Variants in ERN1 observed in about 807,000 individuals in gnomAD.
ERN1 encodes the protein serine/threonine-protein kinase/endoribonuclease IRE1.
A neutral mutation model predicts 113.1 loss-of-function variants in ERN1; 39 were observed. The observed-to-expected ratio is 0.34, with a 90% CI of 0.27 to 0.45. The LOEUF is 0.45. Among genes scored for constraint, ERN1 ranks in the 20% least tolerant of loss-of-function variants. ERN1 has a pLI of 1.00. For synonymous variants in ERN1, 507 were observed against 515.9 expected (o/e 0.98, Z 0.23); for missense variants, 976 against 1,274.8 (o/e 0.77, Z 3.57).
In ERN1 at chr17:64,054,147, C is replaced by A; in HGVS notation, c.1953+103G>T. On this transcript the variant is annotated intron_variant, in intron 15 of 21. Transcript: ENST00000433197. This position sits in a 1 kb window ranked among gnomAD's most constrained non-coding sequence, Gnocchi z 4.9. Reference sequence around the variant, plus strand: ...TAGAGATGGGGTTTCACCATGTTGTCCAGGCTGGTCTCAAACTCCTGAGCT... The same window carrying A: ...TAGAGATGGGGTTTCACCATGTTGTACAGGCTGGTCTCAAACTCCTGAGCT... 9.5e-7 allele frequency: 1 copy of A among 1,058,176 alleles called. No individual in the cohort carries two copies. Among genetic ancestry groups the A allele is most frequent in the Non-Finnish European group, 1.4e-6 (1 of 740,306 alleles). 65.5% of individuals were successfully genotyped at this position (1,058,176 alleles called of 1,614,324 possible).
At chr17:64,077,644 T>C (rs1290746236) in intron 4 of ERN1, among the ~76,000 whole-genome samples, 1 of 152,186 alleles carries the variant, frequency 6.6e-6, no homozygotes, top group African/African-American at 2.4e-5. Flanking sequence ...CAGAGTTTAT[T>C]TTTCCACTCC....
chr17:64,064,315 C>T (rs1045731451), intron 9 of ERN1, among the ~76,000 whole-genome samples, 164 bp from the exon 10 acceptor site: 5 of 152,200 alleles, frequency 3.3e-5, no homozygotes, highest in African/African-American at 9.7e-5. Flanking sequence ...AAGCTTCTCC[C>T]TCAGGATGTG....
Position 64,075,260 on chromosome 17 carries a change from A to AAAAAG in ERN1, c.283-14_283-13insCTTTT, listed in dbSNP as rs1555615546. On this transcript the variant is annotated splice_polypyrimidine_tract_variant and intron_variant, in intron 4 of 21. Transcript: ENST00000433197. Reference sequence around the variant, plus strand: ...TAAAAGGAAGTTTCTTTAAAAAAAAAAAAAAAGAAAAAAAAAAGTTAACCA... The same window carrying AAAAAG: ...TAAAAGGAAGTTTCTTTAAAAAAAAAAAAAGAAAAAAGAAAAAAAAAAGTTAACCA... The AAAAAG allele has an allele frequency of 2.9e-5, 44 of 1,492,622 alleles. No homozygotes were observed. The African/African-American group carries it at 6.3e-4, about 21-fold the overall frequency. 92.5% of individuals were successfully genotyped at this position (1,492,622 alleles called of 1,614,324 possible). A position where few individuals can be genotyped will look rare whatever the true frequency, so the allele number is the denominator to read the frequency against.
intron 6 of ERN1, among the ~76,000 whole-genome samples, chr17:64,069,709 G>A (rs988133419): frequency 5.9e-5 from 9 of 152,170 alleles, no homozygotes; most frequent in Admixed American, 1.3e-4. Context: ...TCTCACCACT[G>A]CATGTTGGGT....
At position 64,075,250 on chromosome 17, in the gene ERN1, T is replaced by TAAAA; in HGVS notation, c.283-4_283-3insTTTT. 2 of 1,167,146 alleles carry TAAAA rather than the reference T, an allele frequency of 1.7e-6. No individual in the cohort carries two copies. Among genetic ancestry groups the TAAAA allele is most frequent in the South Asian group, 2.0e-5 (1 of 50,768 alleles). The allele number at this position is 1,167,146 out of a possible 1,614,324, so 72.3% of individuals were successfully genotyped here. A position where few individuals can be genotyped will look rare whatever the true frequency, so the allele number is the denominator to read the frequency against. On this transcript the variant is annotated splice_polypyrimidine_tract_variant and splice_region_variant and intron_variant, in intron 4 of 21. Transcript: ENST00000433197. ...TCTGGGATGGTAAAAGGAAGTTTCT[T>TAAAA]TAAAAAAAAAAAAAAAGAAAAAAAA...
intron 1 of ERN1, among the ~76,000 whole-genome samples, chr17:64,125,417 C>T (rs1356704555): frequency 6.6e-6 from 1 of 152,188 alleles, no homozygotes; most frequent in Non-Finnish European, 1.5e-5. Flanking sequence ...CGGCTTATTA[C>T]CACATCAACC....
chr17:64,060,937 A>C (rs930610978), intron 10 of ERN1, among the ~76,000 whole-genome samples: 3 of 152,098 alleles, frequency 2.0e-5, no homozygotes, highest in Admixed American at 6.5e-5. Flanking sequence ...AAGTTCAAGG[A>C]GTTCTCCTTT....
intron 17 of ERN1, among the ~76,000 whole-genome samples, chr17:64,051,228 T>C (rs559043678): frequency 2.0e-5 from 3 of 150,884 alleles, no homozygotes; most frequent in South Asian, 4.2e-4. Flanking sequence ...CAGCTAACAA[T>C]GTAGAAGAAT....
chr17:64,075,723 C>T (rs1913572620), intron 4 of ERN1, among the ~76,000 whole-genome samples: 1 of 152,214 alleles, frequency 6.6e-6, no homozygotes, highest in African/African-American at 2.4e-5. Context: ...CCAGGGGTGA[C>T]ACAAACCTTT....
rs1236034791 is a variant in ERN1, at chr17:64,044,001, G to A, written c.2921C>T (p.Pro974Leu). The A allele has an allele frequency of 6.2e-7, 1 of 1,610,668 alleles. No individual in the cohort carries two copies. Residue 974 changes from proline (P) to leucine (L), a missense_variant, in exon 22 of 22, where the codon CCA becomes CTA. Around this residue, in one of 5 missense-constraint regions of ERN1, gnomAD observed 92 missense variants for 87.3 expected, o/e 1.05. Coordinates refer to ENST00000433197, the MANE Select transcript of ERN1 (RefSeq NM_001433.5). The surrounding 1 kb of genome is among the most constrained non-coding windows in gnomAD (Gnocchi z 4.1). ...GGCCGCCCTCGCTCAGAGGGCGTCT[G>A]GAGTCACTGGGGGCTGGGGCTCTGG... ...EPPEPQPPVT[P>L]DAL
At chr17:64,075,349 A>C in intron 4 of ERN1, 102 bp from the exon 5 acceptor site, 1 of 1,005,500 alleles carries the variant, frequency 9.9e-7, no homozygotes, top group East Asian at 2.8e-5. Flanking sequence ...TCTGCTAAAA[A>C]GAGAGAAGCA....
chr17:64,075,300 A>T, intron 4 of ERN1, 53 bp from the exon 5 acceptor site: 2 of 1,422,314 alleles, frequency 1.4e-6, no homozygotes, highest in East Asian at 5.2e-5. Context: ...TTGTGCAATT[A>T]TTACAATTTT....
chr17:64,126,363 GA>G (rs1184737264), intron 1 of ERN1, among the ~76,000 whole-genome samples: 3 of 152,098 alleles, frequency 2.0e-5, no homozygotes, highest in African/African-American at 7.2e-5. Flanking sequence ...CTATGAAAAT[GA>G]AACAGTTATC....
At chr17:64,113,021 T>G (rs1022654385) in intron 1 of ERN1, among the ~76,000 whole-genome samples, 4 of 152,186 alleles carry the variant, frequency 2.6e-5, no homozygotes, top group Non-Finnish European at 5.9e-5. Context: ...CTTAATATAT[T>G]TCCACTGTGA....
chr17:64,119,376 G>GTTGTTTTTTTTTTTTTTTTTTT (rs777806993), intron 1 of ERN1, among the ~76,000 whole-genome samples: 4 of 77,910 alleles, frequency 5.1e-5, no homozygotes, highest in African/African-American at 1.7e-4. Flanking sequence ...TTTTTTCTAG[G>GTTGTTTTTTTTTTTTTTTTTTT]TTTTTTTTTT....
At position 64,054,649 on chromosome 17, in the gene ERN1, G is replaced by T. The variant is rs1912797604; in HGVS notation, c.1763+89C>A. ...GCGTCTAGGTCACTGCTTTGACCCTGCTGTGCTCTGAGCCTGGCACCAGGC... is the reference window on the plus strand; with the variant it reads ...GCGTCTAGGTCACTGCTTTGACCCTTCTGTGCTCTGAGCCTGGCACCAGGC... On this transcript the variant is annotated intron_variant, in intron 14 of 21. Coordinates refer to ENST00000433197, the MANE Select transcript of ERN1 (RefSeq NM_001433.5). The surrounding 1 kb of genome is among the most constrained non-coding windows in gnomAD (Gnocchi z 4.9). The T allele has an allele frequency of 1.8e-6, 2 of 1,127,956 alleles. No individual in the cohort carries two copies. Among genetic ancestry groups the T allele is most frequent in the Non-Finnish European group, 1.3e-6 (1 of 780,634 alleles). The allele number at this position is 1,127,956 out of a possible 1,614,324, so 69.9% of individuals were successfully genotyped here. A position where few individuals can be genotyped will look rare whatever the true frequency, so the allele number is the denominator to read the frequency against.
intron 11 of ERN1, among the ~76,000 whole-genome samples, chr17:64,059,646 G>A (rs1234103468): frequency 6.6e-6 from 1 of 152,104 alleles, no homozygotes; most frequent in African/African-American, 2.4e-5. Context: ...AGAGAGAGAG[G>A]TAAGAGAAAG....
At chr17:64,079,832 G>T in intron 3 of ERN1, 98 bp from the exon 4 acceptor site, 2 of 917,968 alleles carry the variant, frequency 2.2e-6, no homozygotes, top group Non-Finnish European at 3.5e-6. Flanking sequence ...AATAGAGAGT[G>T]GAGGGTGGTT....
At chr17:64,053,406 A>G (rs1567862428) in intron 15 of ERN1, 35 bp from the exon 16 acceptor site, 7 of 1,496,734 alleles carry the variant, frequency 4.7e-6, no homozygotes, top group Non-Finnish European at 5.4e-6. Context: ...CACGGCACAC[A>G]GTCCTCAGGA....
Sources: gnomAD v4.1 joint callset for allele counts (sites outside exome capture counted in the v4.1 genomes callset) on GRCh38, gnomAD v4.1.1 for gene constraint, gnomAD v4.1.1 regional missense constraint, Gnocchi (gnomAD v3.1) non-coding constraint, MANE v1.5 for transcripts, NCBI Gene and HGNC (gene_info 2026-07-23, HGNC 2026-07-21) for gene names.